The following MAP3K15 variants were observed in gnomAD, a reference collection of about 807,000 sequenced individuals.
MAP3K15 encodes mitogen-activated protein kinase kinase kinase 15, also known as MAPK/ERK kinase kinase 15.
Under a neutral mutation model 99.5 loss-of-function variants are expected in MAP3K15, and 124 were observed. The ratio of observed to expected loss-of-function variants is 1.25; its 90% confidence interval spans 1.08 to 1.45. The LOEUF is 1.45. Among genes scored for constraint, MAP3K15 ranks in the 40% most tolerant of loss-of-function variants. MAP3K15 has a pLI of 0.00. For synonymous variants in MAP3K15, 494 were observed against 439.6 expected (o/e 1.12, Z -1.55); for missense variants, 1,242 against 1,079.7 (o/e 1.15, Z -2.11).
intron 4 of MAP3K15, among the ~76,000 whole-genome samples, chrX:19,460,619 A>G (rs1320703055): frequency 9.0e-6 from 1 of 111,514 alleles, no homozygotes; most frequent in African/African-American, 3.3e-5. Context: ...GCTTTCCCCA[A>G]TTGAGGTGAG....
intron 1 of MAP3K15, among the ~76,000 whole-genome samples, chrX:19,500,584 C>T (rs1050559382): frequency 9.0e-6 from 1 of 111,232 alleles, no homozygotes; most frequent in African/African-American, 3.3e-5. Flanking sequence ...AACCACTCTC[C>T]CTCCCCAAAC....
chrX:19,418,277 G>C (rs1361005444), intron 9 of MAP3K15, among the ~76,000 whole-genome samples: 1 of 110,988 alleles, frequency 9.0e-6, no homozygotes, highest in East Asian at 2.8e-4. Flanking sequence ...CCATGGCAAA[G>C]AAGTTAAAAA....
At chrX:19,467,675 G>A (rs1417587357) in intron 3 of MAP3K15, among the ~76,000 whole-genome samples, 4 of 97,538 alleles carry the variant, frequency 4.1e-5, no homozygotes, top group African/African-American at 1.4e-4. Context: ...GCTGAGGCAG[G>A]AGAATTGCTT....
chrX:19,496,206 A>G (rs2064400890), intron 1 of MAP3K15, among the ~76,000 whole-genome samples: 1 of 109,392 alleles, frequency 9.1e-6, no homozygotes, highest in Non-Finnish European at 1.9e-5. Flanking sequence ...AGCTGGGACT[A>G]CAGGTGTGCA....
At chrX:19,508,462 G>A (rs186693951) in intron 1 of MAP3K15, among the ~76,000 whole-genome samples, 179 of 112,757 alleles carry the variant, frequency 1.6e-3, no homozygotes, top group African/African-American at 5.6e-3. Context: ...GTGAGCCACC[G>A]TGCCCGGCCT....
At chrX:19,362,424 G>A (rs1309058175) in intron 26 of MAP3K15, among the ~76,000 whole-genome samples, 1 of 109,018 alleles carries the variant, frequency 9.2e-6, no homozygotes, top group East Asian at 2.9e-4. Flanking sequence ...TTGTACGGAT[G>A]GGGTTTTGCC....
intron 12 of MAP3K15, among the ~76,000 whole-genome samples, chrX:19,408,176 A>T (rs2063660909): frequency 9.0e-6 from 1 of 111,469 alleles, no homozygotes; most frequent in Non-Finnish European, 1.9e-5. Context: ...GGAACGCTCA[A>T]AGTATACTCT....
intron 8 of MAP3K15, 24 bp from the exon 9 acceptor site, chrX:19,425,714 G>C (rs747342330): frequency 8.6e-7 from 1 of 1,167,835 alleles, no homozygotes; most frequent in Non-Finnish European, 1.1e-6. Context: ...ATTTTTGATA[G>C]TCAGAATAAT....
chrX:19,462,114 A>G (rs1465923851), intron 4 of MAP3K15, among the ~76,000 whole-genome samples: 2 of 111,305 alleles, frequency 1.8e-5, no homozygotes, highest in African/African-American at 6.5e-5. Context: ...GCTAAATTTA[A>G]TAATAGTCTT....
At chrX:19,497,162 A>C (rs891442609) in intron 1 of MAP3K15, 3 of 94,859 alleles carry the variant, frequency 3.2e-5, no homozygotes, top group Non-Finnish European at 6.1e-5. Context: ...GATAGATAAT[A>C]CTTTTTTTTT....
chrX:19,398,419 A>G, intron 14 of MAP3K15, 60 bp from the exon 15 acceptor site: 1 of 1,152,489 alleles, frequency 8.7e-7, no homozygotes, highest in East Asian at 3.0e-5. Flanking sequence ...GAAGCCCTCT[A>G]AGGCCCCCAG....
intron 13 of MAP3K15, among the ~76,000 whole-genome samples, chrX:19,402,482 T>C (rs1455493797): frequency 1.8e-5 from 2 of 110,679 alleles, no homozygotes; most frequent in African/African-American, 3.3e-5. Flanking sequence ...ATATACTCAA[T>C]AGAAATCAAT....
In MAP3K15 at chrX:19,360,632, TTGAACAATGGCATTTTTAA is replaced by T. The variant is rs2063271758; in HGVS notation, c.*98_*116del. 1 of 542,635 alleles carries T rather than the reference TTGAACAATGGCATTTTTAA, an allele frequency of 1.8e-6. No individual in the cohort carries two copies. Among genetic ancestry groups the T allele is most frequent in the Non-Finnish European group, 3.0e-6 (1 of 329,210 alleles). The allele number at this position is 542,635 out of a possible 1,213,427, so 44.7% of individuals were successfully genotyped here. A position where few individuals can be genotyped will look rare whatever the true frequency, so the allele number is the denominator to read the frequency against. ...TTAAAACAAGTTCTTAAACTATTAATTGAACAATGGCATTTTTAAATATGTAAACACAGCGGAATTCGTG... is the reference window on the plus strand; with the variant it reads ...TTAAAACAAGTTCTTAAACTATTAATATATGTAAACACAGCGGAATTCGTG... On this transcript the variant is annotated 3_prime_UTR_variant, in exon 29 of 29. Coordinates refer to ENST00000338883, the MANE Select transcript of MAP3K15 (RefSeq NM_001001671.4).
intron 24 of MAP3K15, among the ~76,000 whole-genome samples, chrX:19,370,238 T>C (rs935027107): frequency 8.9e-6 from 1 of 112,201 alleles, no homozygotes. Context: ...CAAAAACTTC[T>C]GTAACTACTA....
chrX:19,483,331 C>T (rs2064304159), intron 3 of MAP3K15, among the ~76,000 whole-genome samples: 1 of 109,816 alleles, frequency 9.1e-6, no homozygotes, highest in African/African-American at 3.3e-5. Flanking sequence ...TTCAATACAT[C>T]ATCAAGCACA....
At chrX:19,369,292 T>G in intron 24 of MAP3K15, 73 bp from the exon 25 acceptor site, 4 of 1,143,868 alleles carry the variant, frequency 3.5e-6, no homozygotes, top group Non-Finnish European at 4.8e-6. Context: ...GACACCCAGG[T>G]CAGCAAACCG....
intron 14 of MAP3K15, among the ~76,000 whole-genome samples, chrX:19,399,472 G>A (rs988361786): frequency 9.0e-6 from 1 of 111,280 alleles, no homozygotes. Context: ...GCTGAGGCAG[G>A]AGAATCGCTT....
At chrX:19,402,234 G>T (rs573393306) in intron 13 of MAP3K15, among the ~76,000 whole-genome samples, 2 of 110,342 alleles carry the variant, frequency 1.8e-5, no homozygotes, top group South Asian at 7.9e-4. Context: ...GGCAGAGGTT[G>T]CAGTGAGCCA....
chrX:19,412,819 C>T (rs954233648), intron 11 of MAP3K15, among the ~76,000 whole-genome samples: 1 of 110,772 alleles, frequency 9.0e-6, no homozygotes, highest in Non-Finnish European at 1.9e-5. Flanking sequence ...ACTGTGGCCT[C>T]GACCTCCCAG....
Sources: gnomAD v4.1 joint callset for allele counts (sites outside exome capture counted in the v4.1 genomes callset) on GRCh38, gnomAD v4.1.1 for gene constraint, MANE v1.5 for transcripts, NCBI Gene and HGNC (gene_info 2026-07-23, HGNC 2026-07-21) for gene names.